The following TRIOBP variants were observed in gnomAD, a reference collection of about 807,000 sequenced individuals.
TRIOBP encodes the protein TRIO and F-actin binding protein.
TRIOBP carries 169 observed loss-of-function variants against 238.8 expected under a neutral mutation model. The observed-to-expected ratio is 0.71, with a 90% CI of 0.62 to 0.80. The LOEUF (loss-of-function observed/expected upper bound fraction) is 0.80, where lower values mean the gene tolerates loss of function less well. Among genes scored for constraint, TRIOBP ranks in the 30% least tolerant of loss-of-function variants. The probability of loss-of-function intolerance (pLI) is 0.00; values close to 1 mark genes in which losing one functional copy is unlikely to be tolerated. For missense variants in TRIOBP, 2,838 were observed against 3,122.6 expected (o/e 0.91, Z 2.17); for synonymous variants, 1,150 against 1,274.4 (o/e 0.90, Z 2.08).
At chr22:37,770,140 G>T (rs1317837481) in intron 21 of TRIOBP, among the ~76,000 whole-genome samples, 5 of 147,394 alleles carry the variant, frequency 3.4e-5, no homozygotes, top group African/African-American at 1.2e-4. Flanking sequence ...CGCCTCCCAG[G>T]TTAAAACGAT....
chr22:37,725,389 G>T lies in TRIOBP; in HGVS notation c.2833G>T (p.Asp945Tyr). 1 of 1,611,722 alleles carries T rather than the reference G, an allele frequency of 6.2e-7. No individual in the cohort carries two copies. The highest frequency in any genetic ancestry group is 8.5e-7 in the Non-Finnish European group (1 of 1,178,480). The change falls in exon 7 of 24, where the codon GAC becomes TAC. Residue 945 changes from aspartate (D) to tyrosine (Y), a missense_variant. This residue lies in a region of TRIOBP where 2,096 missense variants were observed against 2,137.4 expected (regional missense o/e 0.98). Coordinates refer to ENST00000644935, the MANE Select transcript of TRIOBP (RefSeq NM_001039141.3). ...ASIALRPTQG[D>Y]RPQTSSPSRP... ...CATCGCCCTCCGGCCAACCCAAGGT[G>T]ACAGGCCTCAGACATCCTCTCCCAG... is the stretch of plus-strand genomic sequence containing the variant.
chr22:37,713,531 C>T, intron 5 of TRIOBP, 120 bp downstream of exon 5: 2 of 1,297,026 alleles, frequency 1.5e-6, no homozygotes, highest in Non-Finnish European at 1.1e-6. Context: ...CGACGAGGTC[C>T]TCTGGACCAT....
chr22:37,750,010 G>C (rs749881988), intron 11 of TRIOBP, among the ~76,000 whole-genome samples: 1 of 152,132 alleles, frequency 6.6e-6, no homozygotes, highest in Non-Finnish European at 1.5e-5. Context: ...GTGTCATGGC[G>C]TGCCTGACAT....
Position 37,769,138 on chromosome 22 carries a change from C to T in TRIOBP, c.6686C>T (p.Thr2229Met), listed in dbSNP as rs530290065. 49 of 1,612,260 alleles carry T rather than the reference C, an allele frequency of 3.0e-5. No homozygotes were observed. Among genetic ancestry groups the T allele is most frequent in the Admixed American group, 1.2e-4 (7 of 59,930 alleles). Residue 2229 changes from threonine to methionine, a missense_variant, in exon 20 of 24, where the codon ACG becomes ATG. By Grantham distance (81) the Thr-to-Met change is moderately conservative (BLOSUM62 -1). Transcript: ENST00000644935. ...CGGCAGGCTGAGGAGCGCGAGCACA[C>T]GCTGCGCCGCTGCCAGCAGGAGGGC... ...LMRQAEEREH[T>M]LRRCQQEGQE...
Position 37,755,593 on chromosome 22 carries a change from TC to T in TRIOBP, c.5623del (p.Arg1875GlyfsTer8). On this transcript the variant is annotated frameshift_variant, in exon 15 of 24. Coordinates refer to ENST00000644935, the MANE Select transcript of TRIOBP (RefSeq NM_001039141.3). LOFTEE classifies it high-confidence loss of function. ...ACCTTGTCGGCCATGACCTCAGGCA[TC>T]CGGCGGAACTGGATCGAGGCTCTGA... ...VYTLSAMTSG[I>X]RRNWIEALRK... 1 of 1,614,074 alleles carries T rather than the reference TC, an allele frequency of 6.2e-7. No individual in the cohort carries two copies. The highest frequency in any genetic ancestry group is 8.5e-7 in the Non-Finnish European group (1 of 1,180,018).
chr22:37,770,392 G>A (rs1035524674), intron 21 of TRIOBP, among the ~76,000 whole-genome samples: 1 of 145,000 alleles, frequency 6.9e-6, no homozygotes, highest in African/African-American at 2.5e-5. Context: ...GGAGCGTGCA[G>A]TGAGCCGAGA....
At position 37,734,426 on chromosome 22, in the gene TRIOBP, G is replaced by A. The variant is rs1336717272; in HGVS notation, c.4090G>A (p.Glu1364Lys). Residue 1364 changes from glutamate (E) to lysine (K), a missense_variant, in exon 9 of 24, where the codon GAA becomes AAA. Glu to Lys is a moderately conservative substitution (Grantham distance 56, BLOSUM62 1). Around this residue, in one of 5 missense-constraint regions of TRIOBP, gnomAD observed 2,096 missense variants for 2,137.4 expected, o/e 0.98. Coordinates refer to ENST00000644935, the MANE Select transcript of TRIOBP (RefSeq NM_001039141.3). ...GACCATGCTCCCTGCCAAACAGGCAGAACTGACCCGGCGGAGCCAAGCAGA... is the reference window on the plus strand; with the variant it reads ...GACCATGCTCCCTGCCAAACAGGCAAAACTGACCCGGCGGAGCCAAGCAGA... Reference protein sequence around the residue: ...QVTMLPAKQAELTRRSQAEPP... With the variant: ...QVTMLPAKQAKLTRRSQAEPP... The A allele has an allele frequency of 6.2e-7, 1 of 1,613,220 alleles. No homozygotes were observed. Among genetic ancestry groups the A allele is most frequent in the Non-Finnish European group, 8.5e-7 (1 of 1,179,930 alleles).
intron 11 of TRIOBP, among the ~76,000 whole-genome samples, chr22:37,749,805 A>T (rs1014102854): frequency 1.3e-5 from 2 of 150,600 alleles, no homozygotes; most frequent in Non-Finnish European, 3.0e-5. Context: ...AAAAAAAAAA[A>T]TTAGCTGAGC....
In TRIOBP at chr22:37,765,677, G is replaced by T; in HGVS notation, c.6332G>T (p.Cys2111Phe). Residue 2111 changes from cysteine to phenylalanine, a missense_variant, in exon 18 of 24, where the codon TGT becomes TTT. Cys to Phe is a radical substitution (Grantham distance 205). This residue lies in a region of TRIOBP where 2,096 missense variants were observed against 2,137.4 expected (regional missense o/e 0.98). Transcript: ENST00000644935. ...CTGGCGTCCGGCCCACAGGAGGCAT[G>T]TGAGCGCAGCCTGGCAGAGATGGAG... is the stretch of plus-strand genomic sequence containing the variant. ...IPPGYISQEA[C>F]ERSLAEMESS... 6.4e-7 allele frequency: 1 copy of T among 1,550,522 alleles called. No homozygotes were observed. Among genetic ancestry groups the T allele is most frequent in the Non-Finnish European group, 8.7e-7 (1 of 1,147,370 alleles).
Position 37,725,957 on chromosome 22 carries a change from T to G in TRIOBP, c.3401T>G (p.Leu1134Arg). The G allele has an allele frequency of 1.9e-6, 3 of 1,604,066 alleles. No homozygotes were observed. The East Asian group carries it at 6.8e-5, about 36-fold the overall frequency. The change falls in exon 7 of 24, where the codon CTC (leucine) becomes CGC (arginine). Residue 1134 changes from leucine (L) to arginine (R), a missense_variant. Physicochemically the swap from Leu to Arg is moderately radical, Grantham distance 102. Coordinates refer to ENST00000644935, the MANE Select transcript of TRIOBP (RefSeq NM_001039141.3). ...CCACGCCAGGCCCCAGAGCCTTCCC[T>G]CTTATTCCAGGACCTCCCCAGGGCC... is the stretch of plus-strand genomic sequence containing the variant. ...SPPRQAPEPSLLFQDLPRAST... is the reference protein window; with the variant it reads ...SPPRQAPEPSRLFQDLPRAST...
chr22:37,745,037 G>T (rs926051031), intron 11 of TRIOBP, among the ~76,000 whole-genome samples: 3 of 151,882 alleles, frequency 2.0e-5, no homozygotes, highest in Non-Finnish European at 2.9e-5. Flanking sequence ...GCTAATTTTT[G>T]TATTTTTAGT....
At chr22:37,704,703 C>G (rs1460937221) in intron 3 of TRIOBP, among the ~76,000 whole-genome samples, 1 of 151,464 alleles carries the variant, frequency 6.6e-6, no homozygotes, top group Non-Finnish European at 1.5e-5. Flanking sequence ...AAAGGCTGTG[C>G]AGGCATTAGC....
At chr22:37,698,225 AAGAC>A (rs1922456283) in intron 2 of TRIOBP, among the ~76,000 whole-genome samples, 6 of 149,694 alleles carry the variant, frequency 4.0e-5, no homozygotes, top group African/African-American at 1.5e-4. Flanking sequence ...AAAAGAAAGA[AAGAC>A]ACCAGGGTTT....
rs113494859 is a variant in TRIOBP, at chr22:37,740,357, A to C, written c.5185-538A>C. On this transcript the variant is annotated intron_variant, in intron 10 of 23. Transcript: ENST00000644935. Reference sequence around the variant, plus strand: ...CTAGGAATGTGTGTAGAAGTCCACAACTCATTCCCTTTGCTTAAGCTGGGG... The same window carrying C: ...CTAGGAATGTGTGTAGAAGTCCACACCTCATTCCCTTTGCTTAAGCTGGGG... Among the ~76,000 whole-genome samples, 1,424 of 152,182 alleles carry C rather than the reference A, an allele frequency of 9.4e-3. 23 individuals carry two copies. Among genetic ancestry groups the C allele is most frequent in the African/African-American group, 0.032 (1,338 of 41,468 alleles).
rs1293529225 is a variant in TRIOBP, at chr22:37,774,299, G to C, written c.*519G>C. The C allele has an allele frequency of 6.6e-6, 1 of 152,370 alleles. No homozygotes were observed. 9.4% of individuals were successfully genotyped at this position (152,370 alleles called of 1,614,324 possible). A position where few individuals can be genotyped will look rare whatever the true frequency, so the allele number is the denominator to read the frequency against. ...CTCTACAGGGGAGAGGCGGGAGCCT[G>C]CCACCCTCTTCCTGCCCTACCTCCT... On this transcript the variant is annotated 3_prime_UTR_variant, in exon 24 of 24. Transcript: ENST00000644935.
intron 21 of TRIOBP, among the ~76,000 whole-genome samples, 167 bp from the exon 22 acceptor site, chr22:37,771,483 G>T (rs572363049): frequency 6.6e-6 from 1 of 152,224 alleles, no homozygotes; most frequent in East Asian, 1.9e-4. Flanking sequence ...CAGGGGAATC[G>T]GAGAGGGCTT....
In TRIOBP at chr22:37,735,128, C is replaced by G. The variant is rs201730395; in HGVS notation, c.4792C>G (p.Pro1598Ala). The G allele has an allele frequency of 1.8e-4, 291 of 1,609,292 alleles. 1 individual carries two copies. In the African/African-American group the frequency reaches 3.3e-3, roughly 18 times the overall value. The change falls in exon 9 of 24, where the codon CCA (proline) becomes GCA (alanine). Residue 1598 changes from proline to alanine, a missense_variant. Around this residue, in one of 5 missense-constraint regions of TRIOBP, gnomAD observed 2,096 missense variants for 2,137.4 expected, o/e 0.98. Transcript: ENST00000644935. ...LLQARLPRKD[P>A]AGHRDDLARA... ...GCAGGCCAGGCTGCCCCGCAAGGACCCAGCTGGACACAGGGATGACCTGGC... is the reference window on the plus strand; with the variant it reads ...GCAGGCCAGGCTGCCCCGCAAGGACGCAGCTGGACACAGGGATGACCTGGC...
Position 37,725,696 on chromosome 22 carries a change from CT to C in TRIOBP, c.3141del (p.Glu1048ArgfsTer165). 1 of 1,613,434 alleles carries C rather than the reference CT, an allele frequency of 6.2e-7. No homozygotes were observed. Among genetic ancestry groups the C allele is most frequent in the Non-Finnish European group, 8.5e-7 (1 of 1,179,892 alleles). ...CCCTTCTTCCCAGAGCCCCGCGCCCCTGAGAGTGAACCGCCCCACCACGAGC... is the reference window on the plus strand; with the variant it reads ...CCCTTCTTCCCAGAGCCCCGCGCCCCGAGAGTGAACCGCCCCACCACGAGC... ...PFPFFPEPRA[P>X]ESEPPHHEPP... On this transcript the variant is annotated frameshift_variant, in exon 7 of 24. Coordinates refer to ENST00000644935, the MANE Select transcript of TRIOBP (RefSeq NM_001039141.3). LOFTEE classifies it high-confidence loss of function.
chr22:37,764,945 T>C (rs970012318), intron 17 of TRIOBP, among the ~76,000 whole-genome samples: 4 of 152,248 alleles, frequency 2.6e-5, no homozygotes, highest in Admixed American at 6.5e-5. Context: ...ACATTTAAAC[T>C]GGGCTGCAGG....
Sources: allele counts gnomAD v4.1 joint callset (sites outside exome capture counted in the v4.1 genomes callset), GRCh38; gene constraint gnomAD v4.1.1; regional missense constraint gnomAD v4.1.1; transcripts MANE v1.5; gene names NCBI Gene and HGNC (gene_info 2026-07-23, HGNC 2026-07-21).